Variants in NELFE observed in about 807,000 individuals in gnomAD.
NELFE encodes negative elongation factor complex member E.
Under a neutral mutation model 55.5 loss-of-function variants are expected in NELFE, and 26 were observed. That is an observed-to-expected ratio of 0.47 (90% CI 0.34 to 0.65). The LOEUF (loss-of-function observed/expected upper bound fraction) is 0.65. NELFE is among the 30% of genes least tolerant of loss of function. The pLI is 0.01. For missense variants in NELFE, 403 were observed against 506.9 expected (o/e 0.80, Z 1.97); for synonymous variants, 162 against 178.0 (o/e 0.91, Z 0.72).
chr6:31,958,875 G>A lies in NELFE; in HGVS notation c.-9+17C>T. ...TATGAGAAAAAGGGCCGAAGAGTGAGAAGCAGAGGGCCTTACCCGAGGGGG... is the reference window on the plus strand; with the variant it reads ...TATGAGAAAAAGGGCCGAAGAGTGAAAAGCAGAGGGCCTTACCCGAGGGGG... On this transcript the variant is annotated intron_variant, in intron 1 of 10. Transcript: ENST00000375429. The A allele has an allele frequency of 3.3e-6, 2 of 608,120 alleles. No individual in the cohort carries two copies. Among genetic ancestry groups the A allele is most frequent in the East Asian group, 2.8e-5 (1 of 36,178 alleles). 37.7% of individuals were successfully genotyped at this position (608,120 alleles called of 1,614,324 possible). A position where few individuals can be genotyped will look rare whatever the true frequency, so the allele number is the denominator to read the frequency against.
At position 31,954,424 on chromosome 6, in the gene NELFE, T is replaced by C. The variant is rs199614236; in HGVS notation, c.761A>G (p.Glu254Gly). 1 of 1,604,726 alleles carries C rather than the reference T, an allele frequency of 6.2e-7. No homozygotes were observed. The highest frequency in any genetic ancestry group is 2.2e-5 in the East Asian group (1 of 44,796). ...GPFRRSDSFP[E>G]RRAPRKGNTL... ...ATTCCCTTTCCTAGGGGCTCGCCGT[T>C]CAGGGAATGAATCCGACCCTTTGGG... The change falls in exon 8 of 11, where the codon GAA becomes GGA. Residue 254 changes from glutamate (E) to glycine (G), a missense_variant. Glu to Gly is a moderately conservative substitution (Grantham distance 98). This residue lies in a region of NELFE where 229 missense variants were observed against 228.3 expected (regional missense o/e 1.00). Transcript: ENST00000375429. This position sits in a 1 kb window ranked among gnomAD's most constrained non-coding sequence, Gnocchi z 5.5.
chr6:31,953,090 G>A (rs1192667113), intron 10 of NELFE, among the ~76,000 whole-genome samples: 1 of 152,216 alleles, frequency 6.6e-6, no homozygotes, highest in Non-Finnish European at 1.5e-5. Context: ...TTCTCAAAGT[G>A]TGTGTCCTTT....
intron 4 of NELFE, among the ~76,000 whole-genome samples, chr6:31,956,180 C>T (rs368808552): frequency 6.6e-6 from 1 of 152,156 alleles, no homozygotes; most frequent in Non-Finnish European, 1.5e-5. Flanking sequence ...CCGCCTGCCT[C>T]GGCCTCCCAA....
intron 10 of NELFE, 103 bp downstream of exon 10, chr6:31,953,626 C>A: frequency 1.0e-6 from 1 of 971,554 alleles, no homozygotes; most frequent in Non-Finnish European, 1.7e-6. Flanking sequence ...CCTCCGCACA[C>A]ACTCTGACCT....
intron 10 of NELFE, among the ~76,000 whole-genome samples, chr6:31,953,423 T>A (rs1771883479): frequency 6.6e-6 from 1 of 152,152 alleles, no homozygotes; most frequent in Non-Finnish European, 1.5e-5. Flanking sequence ...TTCGAATACT[T>A]ATGAAACTCA....
chr6:31,954,026 G>C lies in NELFE; in HGVS notation c.942+54C>G. 1 of 1,580,572 alleles carries C rather than the reference G, an allele frequency of 6.3e-7. No individual in the cohort carries two copies. The highest frequency in any genetic ancestry group is 8.7e-7 in the Non-Finnish European group (1 of 1,151,874). On this transcript the variant is annotated intron_variant, in intron 9 of 10. Coordinates refer to ENST00000375429, the MANE Select transcript of NELFE (RefSeq NM_002904.6). This position sits in a 1 kb window ranked among gnomAD's most constrained non-coding sequence, Gnocchi z 5.5. ...TTCCTGGCATCTAGTATTTTGAGGA[G>C]AACACATGAGAACAGCAGAAGCGAT...
At chr6:31,955,373 C>T (rs1206798028) in intron 4 of NELFE, 80 bp from the exon 5 acceptor site, 3 of 953,864 alleles carry the variant, frequency 3.1e-6, no homozygotes, top group Non-Finnish European at 4.7e-6. Context: ...CTTCCCTCAC[C>T]CTCTTCTAGG....
In NELFE at chr6:31,954,972, A is replaced by T; in HGVS notation, c.405-80T>A. The stretch of plus-strand genomic sequence containing the variant: ...CCTGTGGAGACTCAATATTCCCTCT[A>T]TAGCCCAGCTCCTACAGCCCAAACC... On this transcript the variant is annotated intron_variant, in intron 6 of 10. Transcript: ENST00000375429. This position sits in a 1 kb window ranked among gnomAD's most constrained non-coding sequence, Gnocchi z 5.5. The T allele has an allele frequency of 1.9e-6, 3 of 1,612,772 alleles. No individual in the cohort carries two copies. Among genetic ancestry groups the T allele is most frequent in the Non-Finnish European group, 2.5e-6 (3 of 1,179,480 alleles).
intron 1 of NELFE, 29 bp from the exon 2 acceptor site, chr6:31,958,483 T>C (rs1348828648): frequency 6.3e-7 from 1 of 1,588,316 alleles, no homozygotes; most frequent in Non-Finnish European, 8.6e-7. Flanking sequence ...CCAAGACATC[T>C]TTCTCCACTG....
At position 31,953,751 on chromosome 6, in the gene NELFE, G is replaced by C; in HGVS notation, c.1023C>G (p.Gly341=). The C allele has an allele frequency of 6.2e-7, 1 of 1,612,902 alleles. No homozygotes were observed. The highest frequency in any genetic ancestry group is 8.5e-7 in the Non-Finnish European group (1 of 1,179,872). Residue 341 remains glycine (G), a synonymous_variant, in exon 10 of 11, where the codon GGC becomes GGG. Transcript: ENST00000375429. ...TACCGAGGGAGCCCCAGACAGACTT[G>C]CCAGTAGCGGCATCCAGCATGGGCT... ...RKQPMLDAAT[G]KSVWGSLAVQ...
chr6:31,958,216 G>C, intron 2 of NELFE, 156 bp downstream of exon 2: 1 of 693,350 alleles, frequency 1.4e-6, no homozygotes, highest in Non-Finnish European at 2.6e-6. Flanking sequence ...TCCACACCAA[G>C]GCTTGGGAAA....
At chr6:31,952,664 CA>C (rs1242962142) in intron 10 of NELFE, among the ~76,000 whole-genome samples, 2 of 152,224 alleles carry the variant, frequency 1.3e-5, no homozygotes, top group African/African-American at 4.8e-5. Flanking sequence ...GATATTAACC[CA>C]CTACTTACAG....
At chr6:31,957,124 G>T in intron 2 of NELFE, 114 bp from the exon 3 acceptor site, 1 of 888,240 alleles carries the variant, frequency 1.1e-6, no homozygotes, top group South Asian at 1.6e-5. Flanking sequence ...TGCCCTCAGA[G>T]TGGTACACTG....
rs1582149237 is a variant in NELFE at position 31,954,555 on chromosome 6, T to C, written c.742A>G (p.Arg248Gly). The C allele has an allele frequency of 6.2e-7, 1 of 1,604,902 alleles. No individual in the cohort carries two copies. The highest frequency in any genetic ancestry group is 8.5e-7 in the Non-Finnish European group (1 of 1,174,370). ...RDRDREGPFR[R>G]SDSFPERRAP... is the part of the protein sequence containing the mutation. ...TTGACCTCCAGCCAAAATCACTCACTGCGGAAAGGACCCTCTCGGTCTCGG... is the reference window on the plus strand; with the variant it reads ...TTGACCTCCAGCCAAAATCACTCACCGCGGAAAGGACCCTCTCGGTCTCGG... The change falls in exon 7 of 11, where the codon AGG (arginine) becomes GGG (glycine). Residue 248 changes from arginine (R) to glycine (G), a missense_variant and splice_region_variant. By Grantham distance (125) the Arg-to-Gly change is moderately radical (BLOSUM62 -2). This residue lies in a region of NELFE where 229 missense variants were observed against 228.3 expected (regional missense o/e 1.00). Coordinates refer to ENST00000375429, the MANE Select transcript of NELFE (RefSeq NM_002904.6). The surrounding 1 kb of genome is among the most constrained non-coding windows in gnomAD (Gnocchi z 5.5).
In NELFE at chr6:31,954,834, C is replaced by G; in HGVS notation, c.463G>C (p.Gly155Arg). Residue 155 changes from glycine (G) to arginine (R), a missense_variant, in exon 7 of 11, where the codon GGC (glycine) becomes CGC (arginine). By Grantham distance (125) the Gly-to-Arg change is moderately radical (BLOSUM62 -2). Around this residue, in one of 3 missense-constraint regions of NELFE, gnomAD observed 229 missense variants for 228.3 expected, o/e 1.00. Coordinates refer to ENST00000375429, the MANE Select transcript of NELFE (RefSeq NM_002904.6). This position sits in a 1 kb window ranked among gnomAD's most constrained non-coding sequence, Gnocchi z 5.5. ...GGGGGACCATCACCAGCCCCTGGGC[C>G]CTCTGCCTCTTCTCCATCTGGTCCT... ...ELGPDGEEAEGPGAGDGPPRS... is the reference protein window; with the variant it reads ...ELGPDGEEAERPGAGDGPPRS... The G allele has an allele frequency of 1.9e-6, 3 of 1,586,444 alleles. No homozygotes were observed. The highest frequency in any genetic ancestry group is 2.6e-6 in the Non-Finnish European group (3 of 1,167,816).
At position 31,958,470 on chromosome 6, in the gene NELFE, G is replaced by A. The variant is rs371564397; in HGVS notation, c.-8-16C>T. On this transcript the variant is annotated splice_polypyrimidine_tract_variant and intron_variant, in intron 1 of 10. Transcript: ENST00000375429. Reference sequence around the variant, plus strand: ...ATGGTGGCTCCTAGTTCAGGGGCAGGGCCCAAGACATCTTTCTCCACTGTT... The same window carrying A: ...ATGGTGGCTCCTAGTTCAGGGGCAGAGCCCAAGACATCTTTCTCCACTGTT... 7.5e-5 allele frequency: 121 copies of A among 1,607,330 alleles called. No homozygotes were observed. The highest frequency in any genetic ancestry group is 9.5e-5 in the Non-Finnish European group (112 of 1,175,062).
Position 31,952,154 on chromosome 6 carries a change from C to A in NELFE, c.*147G>T. On this transcript the variant is annotated 3_prime_UTR_variant, in exon 11 of 11. Transcript: ENST00000375429. ...ACTGGCCATGTTGTTACACTGAGAT[C>A]AAACCTGACAGCCGTTTTTAAAGGT... 6.8e-7 allele frequency: 1 copy of A among 1,468,382 alleles called. No homozygotes were observed. Among genetic ancestry groups the A allele is most frequent in the South Asian group, 1.2e-5 (1 of 85,896 alleles). 91.0% of individuals were successfully genotyped at this position (1,468,382 alleles called of 1,614,324 possible). A position where few individuals can be genotyped will look rare whatever the true frequency, so the allele number is the denominator to read the frequency against.
Position 31,952,432 on chromosome 6 carries a change from AAGGAGATC to A in NELFE, c.1046-42_1046-35del, listed in dbSNP as rs766311893. The A allele has an allele frequency of 1.2e-4, 178 of 1,518,734 alleles. No individual in the cohort carries two copies. In the African/African-American group the frequency reaches 2.3e-3, roughly 20 times the overall value. The allele number at this position is 1,518,734 out of a possible 1,614,324, so 94.1% of individuals were successfully genotyped here. A position where few individuals can be genotyped will look rare whatever the true frequency, so the allele number is the denominator to read the frequency against. Reference sequence around the variant, plus strand: ...GGAGGAGAGGAACAGTTAAGGTCTAAAGGAGATCATAGAACAGACCCTGAGGCTGACTC... The same window carrying A: ...GGAGGAGAGGAACAGTTAAGGTCTAAATAGAACAGACCCTGAGGCTGACTC... On this transcript the variant is annotated intron_variant, in intron 10 of 10. Transcript: ENST00000375429.
At chr6:31,953,857 G>T (rs769415234) in intron 9 of NELFE, 26 bp from the exon 10 acceptor site, 139 of 1,579,618 alleles carry the variant, frequency 8.8e-5, no homozygotes, top group Non-Finnish European at 1.1e-4. Flanking sequence ...GGAGGCAGAG[G>T]ATGGGGAGGA....
Sources: allele counts gnomAD v4.1 joint callset (sites outside exome capture counted in the v4.1 genomes callset), GRCh38; gene constraint gnomAD v4.1.1; regional missense constraint gnomAD v4.1.1; non-coding constraint Gnocchi (gnomAD v3.1); transcripts MANE v1.5; gene names NCBI Gene and HGNC (gene_info 2026-07-23, HGNC 2026-07-21).